The following PHKA2 variants were observed in gnomAD, a reference collection of about 807,000 sequenced individuals.
The protein encoded by PHKA2 is phosphorylase b kinase regulatory subunit alpha, liver isoform.
In PHKA2, 31 loss-of-function variants were observed where a neutral mutation model predicts 102.0. The ratio of observed to expected loss-of-function variants is 0.30; its 90% CI spans 0.23 to 0.41. PHKA2 has a LOEUF of 0.41. Among genes scored for constraint, PHKA2 ranks in the 10% least tolerant of loss-of-function variants. The pLI, the probability that PHKA2 is intolerant of heterozygous loss-of-function variation, is 1.00. For missense variants in PHKA2, 858 were observed against 1,023.1 expected, an observed-to-expected ratio of 0.84 and a Z score of 2.20; for synonymous variants, 455 against 416.2, an observed-to-expected ratio of 1.09 and a Z score of -1.13.
intron 2 of PHKA2, among the ~76,000 whole-genome samples, chrX:18,952,888 T>G (rs1414887066): frequency 1.8e-5 from 2 of 112,255 alleles, no homozygotes; most frequent in Non-Finnish European, 3.8e-5. Flanking sequence ...TTTCTTACAC[T>G]AAGTCCACCA....
chrX:18,941,501 G>C (rs1299639092), intron 8 of PHKA2, 28 bp downstream of exon 8: 4 of 1,195,487 alleles, frequency 3.3e-6, no homozygotes, highest in Non-Finnish European at 3.4e-6. Context: ...ACACAGGACA[G>C]AAGGGCACCA....
At chrX:18,958,454 G>A (rs1446345839) in intron 1 of PHKA2, among the ~76,000 whole-genome samples, 1 of 111,278 alleles carries the variant, frequency 9.0e-6, no homozygotes, top group Non-Finnish European at 1.9e-5. Context: ...TGGGACTGCT[G>A]GGTTGGCATA....
At chrX:18,957,415 G>C (rs1372838756) in intron 1 of PHKA2, among the ~76,000 whole-genome samples, 1 of 111,623 alleles carries the variant, frequency 9.0e-6, no homozygotes, top group Non-Finnish European at 1.9e-5. Context: ...ATGCCATTCT[G>C]CAAGCTAAAC....
chrX:18,928,491 T>G (rs2048253168), intron 13 of PHKA2, among the ~76,000 whole-genome samples: 1 of 112,440 alleles, frequency 8.9e-6, no homozygotes, highest in South Asian at 3.7e-4. Flanking sequence ...GTGTACAGTC[T>G]CAGGGGCAAT....
chrX:18,973,827 C>G (rs61572649), intron 1 of PHKA2, among the ~76,000 whole-genome samples: 6,694 of 111,951 alleles, frequency 0.06, 493 homozygotes, highest in African/African-American at 0.2. Context: ...GCCACACTGA[C>G]TGAACTCCCT....
chrX:18,948,555 A>T (rs1027542477), intron 5 of PHKA2, among the ~76,000 whole-genome samples, 189 bp downstream of exon 5: 1 of 112,273 alleles, frequency 8.9e-6, no homozygotes, highest in Non-Finnish European at 1.9e-5. Context: ...CATTCCAAAA[A>T]CCTGAAACCC....
In PHKA2 at chrX:18,952,846, G is replaced by A. The variant is rs144355036; in HGVS notation, c.238-305C>T. On this transcript the variant is annotated intron_variant, in intron 2 of 32. Coordinates refer to ENST00000379942, the MANE Select transcript of PHKA2 (RefSeq NM_000292.3). ...CAATTTCTGTAAGTGTAGTACTCTG[G>A]AGCTTTATGTCACATTTCTTGGTAA... Among the ~76,000 whole-genome samples, 106 of 112,090 alleles carry A rather than the reference G, an allele frequency of 9.5e-4. No homozygotes were observed. The East Asian group carries it at 0.025, about 27-fold the overall frequency.
Position 18,894,352 on chromosome X carries a change from C to CGGTTCAGCACCGATTCGACATGGACA in PHKA2, c.3363_3388dup (p.Arg1130LeufsTer8). ...CTGCCGGTACTCGGGCTGCGGCACG[C>CGGTTCAGCACCGATTCGACATGGACA]GGTTCAGCACCGATTCGACATGGAC... On this transcript the variant is annotated stop_gained and frameshift_variant, in exon 32 of 33. Transcript: ENST00000379942. LOFTEE classifies it high-confidence loss of function. 8.3e-7 allele frequency: 1 copy of CGGTTCAGCACCGATTCGACATGGACA among 1,211,565 alleles called. No individual in the cohort carries two copies. Among genetic ancestry groups the CGGTTCAGCACCGATTCGACATGGACA allele is most frequent in the East Asian group, 3.0e-5 (1 of 33,851 alleles).
At chrX:18,948,457 G>C (rs756833151) in intron 5 of PHKA2, among the ~76,000 whole-genome samples, 2 of 112,100 alleles carry the variant, frequency 1.8e-5, no homozygotes, top group African/African-American at 6.5e-5. Context: ...CAGGGTGACA[G>C]AGCGAGACTC....
At chrX:18,960,935 G>C (rs1473356863) in intron 1 of PHKA2, among the ~76,000 whole-genome samples, 1 of 112,596 alleles carries the variant, frequency 8.9e-6, no homozygotes, top group East Asian at 2.8e-4. Flanking sequence ...TTTTGACAAA[G>C]ATCTAAAGAC....
intron 5 of PHKA2, 91 bp from the exon 6 acceptor site, chrX:18,945,249 C>T: frequency 1.8e-6 from 1 of 560,451 alleles, no homozygotes; most frequent in Non-Finnish European, 3.2e-6. Flanking sequence ...CCTGCAGCCA[C>T]ACTGAAACAT....
intron 18 of PHKA2, among the ~76,000 whole-genome samples, chrX:18,919,592 A>G (rs1295091131): frequency 9.1e-6 from 1 of 109,347 alleles, no homozygotes; most frequent in Non-Finnish European, 1.9e-5. Flanking sequence ...GTAGGCCTAT[A>G]GTCTTAGCCA....
At chrX:18,918,652 T>C in intron 19 of PHKA2, 29 bp downstream of exon 19, 5 of 1,174,990 alleles carry the variant, frequency 4.3e-6, no homozygotes, top group Non-Finnish European at 4.6e-6. Flanking sequence ...GAAGGTATTT[T>C]AACAGGCAGA....
At chrX:18,897,412 C>T (rs960427019) in intron 29 of PHKA2, 79 bp from the exon 30 acceptor site, 2 of 982,856 alleles carry the variant, frequency 2.0e-6, no homozygotes, top group Non-Finnish European at 2.8e-6. Context: ...GAAGGGCGGC[C>T]CTGCGACCTA....
rs1266481236 is a variant in PHKA2, at chrX:18,897,027, G to A, written c.3282+136C>T. 3 of 726,744 alleles carry A rather than the reference G, an allele frequency of 4.1e-6. No homozygotes were observed. The African/African-American group carries it at 6.2e-5, about 15-fold the overall frequency. The allele number at this position is 726,744 out of a possible 1,213,427, so 59.9% of individuals were successfully genotyped here. A position where few individuals can be genotyped will look rare whatever the true frequency, so the allele number is the denominator to read the frequency against. Reference sequence around the variant, plus strand: ...AGGCCCCCTAGCAGAGAATGCCTCGGCCCCAGGTGCCAACAGCGCTGAGGC... The same window carrying A: ...AGGCCCCCTAGCAGAGAATGCCTCGACCCCAGGTGCCAACAGCGCTGAGGC... On this transcript the variant is annotated intron_variant, in intron 30 of 32. Transcript: ENST00000379942.
In PHKA2 at chrX:18,952,474, CGT is replaced by C. The variant is rs753779855; in HGVS notation, c.285+18_285+19del. On this transcript the variant is annotated intron_variant, in intron 3 of 32. Transcript: ENST00000379942. Reference sequence around the variant, plus strand: ...ACATGGAATGCCCACTTGGCAAACACGTGTGTGGGTTCTGCCTACCTGTCTCA... The same window carrying C: ...ACATGGAATGCCCACTTGGCAAACACGTGTGGGTTCTGCCTACCTGTCTCA... The C allele has an allele frequency of 3.3e-6, 4 of 1,196,962 alleles. No homozygotes were observed. The highest frequency in any genetic ancestry group is 5.9e-5 in the East Asian group (2 of 33,825).
chrX:18,893,749 G>A, intron 32 of PHKA2, 94 bp from the exon 33 acceptor site: 2 of 838,118 alleles, frequency 2.4e-6, no homozygotes, highest in East Asian at 3.1e-5. Context: ...CATGGGCAGG[G>A]GTGAGGGTTG....
chrX:18,976,014 G>A (rs900745227), intron 1 of PHKA2, among the ~76,000 whole-genome samples: 2 of 82,464 alleles, frequency 2.4e-5, no homozygotes, highest in Non-Finnish European at 4.3e-5. Flanking sequence ...TCACTCTGTC[G>A]CTCAGACTGG....
At chrX:18,978,604 T>G (rs2049125507) in intron 1 of PHKA2, among the ~76,000 whole-genome samples, 1 of 110,426 alleles carries the variant, frequency 9.1e-6, no homozygotes, top group Non-Finnish European at 1.9e-5. Flanking sequence ...TCCCAGCTAC[T>G]CGGGAGGCTG....
Sources: allele counts gnomAD v4.1 joint callset (sites outside exome capture counted in the v4.1 genomes callset), GRCh38; gene constraint gnomAD v4.1.1; transcripts MANE v1.5; gene names NCBI Gene and HGNC (gene_info 2026-07-23, HGNC 2026-07-21).